Variants in SYT16 observed in about 807,000 individuals in gnomAD.
SYT16 encodes synaptotagmin-16.
A neutral mutation model predicts 61.4 loss-of-function variants in SYT16; 42 were observed. That is an observed-to-expected ratio of 0.68 (90% CI 0.53 to 0.89). The LOEUF is 0.89. Among genes scored for constraint, SYT16 ranks in the 40% least tolerant of loss-of-function variants. SYT16 has a pLI of 0.00. For synonymous variants in SYT16, 314 were observed against 302.3 expected (o/e 1.04, Z -0.40); for missense variants, 804 against 807.3 (o/e 1.00, Z 0.05).
chr14:62,023,484 G>T (rs2053987904), intron 3 of SYT16, among the ~76,000 whole-genome samples: 1 of 152,048 alleles, frequency 6.6e-6, no homozygotes, highest in Non-Finnish European at 1.5e-5. Context: ...ATATTTTTGG[G>T]TTCACTCTTC....
chr14:62,029,960 AT>A (rs939308309), intron 3 of SYT16, among the ~76,000 whole-genome samples: 1 of 151,714 alleles, frequency 6.6e-6, no homozygotes, highest in Admixed American at 6.6e-5. Flanking sequence ...GGTAGTTCTG[AT>A]TTTTTTTCTT....
At chr14:62,083,501 A>G (rs2056781194) in intron 6 of SYT16, among the ~76,000 whole-genome samples, 1 of 152,174 alleles carries the variant, frequency 6.6e-6, no homozygotes, top group Admixed American at 6.5e-5. Context: ...CGTGCCCATG[A>G]ATAAACATGA....
At chr14:61,923,964 A>C (rs1472132230) in intron 1 of SYT16, among the ~76,000 whole-genome samples, 1 of 152,190 alleles carries the variant, frequency 6.6e-6, no homozygotes, top group African/African-American at 2.4e-5. Flanking sequence ...AGAAATGAAT[A>C]GTTTCCCTTA....
chr14:62,029,765 A>T (rs2054243122), intron 3 of SYT16, among the ~76,000 whole-genome samples: 2 of 148,532 alleles, frequency 1.3e-5, no homozygotes, highest in Admixed American at 6.6e-5. Context: ...CTCGCTTTTG[A>T]TGTTAGTCTA....
chr14:61,878,590 T>G (rs1391232207), intron 1 of SYT16, among the ~76,000 whole-genome samples: 1 of 152,220 alleles, frequency 6.6e-6, no homozygotes, highest in African/African-American at 2.4e-5. Flanking sequence ...TGAGGGACTT[T>G]GATTTGAGAA....
At chr14:62,085,182 T>C (rs2056844469) in intron 7 of SYT16, among the ~76,000 whole-genome samples, 1 of 152,200 alleles carries the variant, frequency 6.6e-6, no homozygotes, top group African/African-American at 2.4e-5. Context: ...GATTGAACAT[T>C]AGAAGCATGC....
chr14:62,035,565 A>C (rs2054474785), intron 3 of SYT16, among the ~76,000 whole-genome samples: 1 of 152,202 alleles, frequency 6.6e-6, no homozygotes, highest in African/African-American at 2.4e-5. Flanking sequence ...TAGACTAATA[A>C]AAACTAAATT....
chr14:61,907,859 C>T (rs946620694), intron 1 of SYT16, among the ~76,000 whole-genome samples: 1 of 152,182 alleles, frequency 6.6e-6, no homozygotes, highest in African/African-American at 2.4e-5. Context: ...ATTTTTTTAA[C>T]TCTTAGAAAT....
chr14:61,828,504 A>G (rs1043498529), intron 1 of SYT16, among the ~76,000 whole-genome samples: 4 of 151,604 alleles, frequency 2.6e-5, no homozygotes, highest in Non-Finnish European at 5.9e-5. Context: ...AAATGTCTTG[A>G]TTTCCCTTTT....
intron 1 of SYT16, among the ~76,000 whole-genome samples, chr14:61,950,261 G>A (rs1291503575): frequency 2.0e-5 from 3 of 152,174 alleles, no homozygotes; most frequent in African/African-American, 7.2e-5. Flanking sequence ...AAAGGTAAAT[G>A]GGGGAAGTTT....
chr14:61,911,185 G>A (rs1047664075), intron 1 of SYT16, among the ~76,000 whole-genome samples: 2 of 152,098 alleles, frequency 1.3e-5, no homozygotes, highest in African/African-American at 4.8e-5. Flanking sequence ...ATTCCAACTA[G>A]GTAACTAGAT....
At chr14:61,880,236 C>T (rs1478323960) in intron 1 of SYT16, among the ~76,000 whole-genome samples, 1 of 152,196 alleles carries the variant, frequency 6.6e-6, no homozygotes, top group South Asian at 2.1e-4. Context: ...TAAAGTACCT[C>T]AGTTTGTGTG....
chr14:61,816,923 A>G (rs1022846442), intron 1 of SYT16, among the ~76,000 whole-genome samples: 2 of 151,738 alleles, frequency 1.3e-5, no homozygotes, highest in African/African-American at 4.8e-5. Flanking sequence ...AGGCAGGAGA[A>G]TGGCGTGAAC....
intron 7 of SYT16, among the ~76,000 whole-genome samples, chr14:62,090,793 TAA>T (rs1472191965): frequency 6.6e-6 from 1 of 152,142 alleles, no homozygotes; most frequent in Non-Finnish European, 1.5e-5. Flanking sequence ...ATTTATAAAG[TAA>T]AAGAGGTTTA....
intron 3 of SYT16, among the ~76,000 whole-genome samples, chr14:62,042,676 C>T (rs569933201): frequency 1.1e-4 from 16 of 152,258 alleles, no homozygotes; most frequent in South Asian, 4.1e-4. Context: ...ATCAGTATTC[C>T]GCTAAACACT....
At position 62,102,028 on chromosome 14, in the gene SYT16, GAA is replaced by G. The variant is rs926342093; in HGVS notation, c.*1322_*1323del. 3 of 152,318 alleles carry G rather than the reference GAA, an allele frequency of 2.0e-5. No homozygotes were observed. Among genetic ancestry groups the G allele is most frequent in the African/African-American group, 7.2e-5 (3 of 41,574 alleles). 9.4% of individuals were successfully genotyped at this position (152,318 alleles called of 1,614,324 possible). ...TGGCATTAATAAAAAAATAGGGAAA[GAA>G]TGTATGTACATTTAATCCCTGCGCT... On this transcript the variant is annotated 3_prime_UTR_variant, in exon 8 of 8. Transcript: ENST00000683842.
At chr14:62,048,182 A>C (rs1235406828) in intron 3 of SYT16, among the ~76,000 whole-genome samples, 1 of 152,218 alleles carries the variant, frequency 6.6e-6, no homozygotes, top group African/African-American at 2.4e-5. Flanking sequence ...CAGGGATTCA[A>C]CTTCTTCCTG....
intron 2 of SYT16, among the ~76,000 whole-genome samples, chr14:61,994,481 C>T (rs2052682362): frequency 6.6e-6 from 1 of 152,044 alleles, no homozygotes; most frequent in Non-Finnish European, 1.5e-5. Flanking sequence ...CAGATACAAG[C>T]CTGGAAAGAA....
chr14:62,030,109 C>A (rs1393137388), intron 3 of SYT16, among the ~76,000 whole-genome samples: 2 of 152,176 alleles, frequency 1.3e-5, no homozygotes, highest in Non-Finnish European at 2.9e-5. Flanking sequence ...CACAGATAAG[C>A]TGTAAGATGT....
Sources: allele counts gnomAD v4.1 joint callset (sites outside exome capture counted in the v4.1 genomes callset), GRCh38; gene constraint gnomAD v4.1.1; transcripts MANE v1.5; gene names NCBI Gene and HGNC (gene_info 2026-07-23, HGNC 2026-07-21).